TDRD10: variants seen among roughly 807,000 people sequenced by gnomAD.
TDRD10 encodes tudor domain-containing protein 10.
TDRD10 carries 40 observed loss-of-function variants against 48.0 expected under a neutral mutation model. The ratio of observed to expected loss-of-function variants is 0.83; its 90% CI spans 0.65 to 1.09. The LOEUF (loss-of-function observed/expected upper bound fraction) is 1.09. Ranked by LOEUF, TDRD10 falls within the 50% of genes least tolerant of loss-of-function variation. TDRD10 has a pLI of 0.00. For missense variants in TDRD10, 378 were observed against 434.7 expected (o/e 0.87, Z 1.16); for synonymous variants, 162 against 170.4 (o/e 0.95, Z 0.38).
intron 6 of TDRD10, 108 bp from the exon 7 acceptor site, chr1:154,541,916 A>C (rs113721329): frequency 4.5e-6 from 5 of 1,108,234 alleles, no homozygotes; most frequent in African/African-American, 1.6e-5. Flanking sequence ...GAGTCAGAAC[A>C]GGGGCTGCCG....
intron 4 of TDRD10, among the ~76,000 whole-genome samples, chr1:154,508,726 T>TG (rs1361779950): frequency 6.6e-6 from 1 of 152,220 alleles, no homozygotes; most frequent in Non-Finnish European, 1.5e-5. Flanking sequence ...CCTGTATACC[T>TG]GGATGGTTGG....
chr1:154,508,941 C>G (rs529647412), intron 4 of TDRD10, among the ~76,000 whole-genome samples: 2 of 152,124 alleles, frequency 1.3e-5, no homozygotes, highest in Admixed American at 6.5e-5. Context: ...TATTTTTGAC[C>G]CCAGGCACCT....
intron 6 of TDRD10, among the ~76,000 whole-genome samples, chr1:154,522,732 G>A (rs2149328317): frequency 6.6e-6 from 1 of 152,314 alleles, no homozygotes; most frequent in South Asian, 2.1e-4. Context: ...CTCTTTGAAA[G>A]GGCAGACTGT....
chr1:154,533,353 GT>G (rs75204432), intron 6 of TDRD10, among the ~76,000 whole-genome samples: 5,313 of 134,360 alleles, frequency 0.04, 124 homozygotes, highest in African/African-American at 0.088. Flanking sequence ...CTTTTGTTGG[GT>G]TTTTTTTTTT....
intron 1 of TDRD10, among the ~76,000 whole-genome samples, 159 bp downstream of exon 1, chr1:154,503,188 C>T (rs752998624): frequency 3.0e-4 from 45 of 152,156 alleles, no homozygotes; most frequent in Non-Finnish European, 2.9e-5. Context: ...TGGGAGCGGC[C>T]CTCCTAGTCT....
intron 11 of TDRD10, among the ~76,000 whole-genome samples, chr1:154,546,065 G>T (rs1312022310): frequency 1.8e-5 from 2 of 113,592 alleles, no homozygotes; most frequent in Non-Finnish European, 3.7e-5. Context: ...GAGCCACCGT[G>T]CCCGGCCCTC....
Position 154,547,700 on chromosome 1 carries a change from A to T in TDRD10, c.1046A>T (p.Glu349Val). ...CAGTTGCACATCCTAAAGTTTGAAG[A>T]GTCTAAATAACGGGGCTTCCCTCAG... Reference protein sequence around the residue: ...NSALHILKFEESK With the variant: ...NSALHILKFEVSK Residue 349 changes from glutamate to valine, a missense_variant, in exon 13 of 13, where the codon GAG becomes GTG. Around this residue, in one of 2 missense-constraint regions of TDRD10, gnomAD observed 68 missense variants for 111.1 expected, o/e 0.61. Transcript: ENST00000368482. 1 of 1,613,792 alleles carries T rather than the reference A, an allele frequency of 6.2e-7. No individual in the cohort carries two copies. Among genetic ancestry groups the T allele is most frequent in the Non-Finnish European group, 8.5e-7 (1 of 1,179,898 alleles).
At chr1:154,544,278 C>T (rs1695424835) in intron 9 of TDRD10, 94 bp from the exon 10 acceptor site, 27 of 1,538,134 alleles carry the variant, frequency 1.8e-5, no homozygotes, top group Admixed American at 7.9e-5. Flanking sequence ...GGCCTTGGGA[C>T]GGATTAGCGG....
At chr1:154,520,105 T>C (rs1030119952) in intron 4 of TDRD10, among the ~76,000 whole-genome samples, 199 bp from the exon 5 acceptor site, 2 of 152,182 alleles carry the variant, frequency 1.3e-5, no homozygotes, top group Non-Finnish European at 2.9e-5. Context: ...CATCGCTGCT[T>C]GGCTGGTGAG....
chr1:154,526,705 G>C (rs1346785943), intron 6 of TDRD10, among the ~76,000 whole-genome samples: 1 of 151,884 alleles, frequency 6.6e-6, no homozygotes, highest in African/African-American at 2.4e-5. Context: ...TGCCCTTCTT[G>C]GTCTCCCAAA....
chr1:154,539,753 G>C (rs998365489), intron 6 of TDRD10, among the ~76,000 whole-genome samples: 1 of 152,208 alleles, frequency 6.6e-6, no homozygotes, highest in African/African-American at 2.4e-5. Context: ...TTGTTCTTGT[G>C]ATGTTTACAT....
At chr1:154,535,537 G>C (rs138996319) in intron 6 of TDRD10, among the ~76,000 whole-genome samples, 1 of 151,834 alleles carries the variant, frequency 6.6e-6, no homozygotes, top group African/African-American at 2.4e-5. Flanking sequence ...AAAATGTGCC[G>C]GGTGTGGTGG....
chr1:154,521,858 A>G (rs996890202), intron 6 of TDRD10, among the ~76,000 whole-genome samples: 1 of 152,166 alleles, frequency 6.6e-6, no homozygotes, highest in Non-Finnish European at 1.5e-5. Context: ...ACAAAAGTCA[A>G]TAAAATCCAG....
chr1:154,528,675 G>T (rs1694442045), intron 6 of TDRD10, among the ~76,000 whole-genome samples: 2 of 151,844 alleles, frequency 1.3e-5, no homozygotes. Context: ...AATTAGCCTG[G>T]TGTGGTGGTG....
intron 4 of TDRD10, among the ~76,000 whole-genome samples, chr1:154,513,946 T>C (rs1570907580): frequency 6.6e-6 from 1 of 152,254 alleles, no homozygotes; most frequent in East Asian, 1.9e-4. Context: ...TCCTAGCAGT[T>C]TGGGAGGCCA....
At chr1:154,520,468 A>G (rs1693999262) in intron 5 of TDRD10, 94 bp downstream of exon 5, 2 of 936,354 alleles carry the variant, frequency 2.1e-6, no homozygotes, top group Non-Finnish European at 3.5e-6. Flanking sequence ...CTAGCCCAGC[A>G]ACCGCCACGT....
chr1:154,546,368 G>A (rs908092547), intron 11 of TDRD10, among the ~76,000 whole-genome samples: 1 of 142,272 alleles, frequency 7.0e-6, no homozygotes, highest in South Asian at 2.2e-4. Flanking sequence ...CACCGCACCC[G>A]GCCAAAATAT....
chr1:154,519,319 C>T (rs930276933), intron 4 of TDRD10, among the ~76,000 whole-genome samples: 2 of 152,192 alleles, frequency 1.3e-5, no homozygotes. Flanking sequence ...ATGAGTTATA[C>T]ATAATGCATT....
rs1695684596 is a variant in TDRD10 at position 154,547,683 on chromosome 1, C to T, written c.1029C>T (p.His343=). 1 of 1,613,994 alleles carries T rather than the reference C, an allele frequency of 6.2e-7. No homozygotes were observed. Among genetic ancestry groups the T allele is most frequent in the African/African-American group, 1.3e-5 (1 of 74,924 alleles). Reference sequence around the variant, plus strand: ...GCTTTGTCTTTCTCTTCCAGTTGCACATCCTAAAGTTTGAAGAGTCTAAAT... The same window carrying T: ...GCTTTGTCTTTCTCTTCCAGTTGCATATCCTAAAGTTTGAAGAGTCTAAAT... ...KITGALNSAL[H]ILKFEESK Residue 343 remains histidine, a synonymous_variant, in exon 13 of 13, where the codon CAC becomes CAT. Transcript: ENST00000368482.
Sources: allele counts gnomAD v4.1 joint callset (sites outside exome capture counted in the v4.1 genomes callset), GRCh38; gene constraint gnomAD v4.1.1; regional missense constraint gnomAD v4.1.1; transcripts MANE v1.5; gene names NCBI Gene and HGNC (gene_info 2026-07-23, HGNC 2026-07-21).